Variants in ADRB1 observed in about 807,000 individuals in gnomAD.
ADRB1 encodes the protein beta-1 adrenergic receptor.
For synonymous variants in ADRB1, 365 were observed against 347.2 expected (o/e 1.05, Z -0.57); for missense variants, 635 against 709.1 (o/e 0.90, Z 1.19).
chr10:114,044,676 G>C lies in ADRB1; in HGVS notation c.544G>C (p.Val182Leu). Residue 182 changes from valine (V) to leucine (L), a missense_variant, in exon 1 of 1, where the codon GTG (valine) becomes CTG (leucine). Val to Leu is a conservative substitution (Grantham distance 32). Coordinates refer to ENST00000369295, the MANE Select transcript of ADRB1 (RefSeq NM_000684.3). This position sits in a 1 kb window ranked among gnomAD's most constrained non-coding sequence, Gnocchi z 7.8. ...RARARGLVCTVWAISALVSFL... is the reference protein window; with the variant it reads ...RARARGLVCTLWAISALVSFL... The stretch of plus-strand genomic sequence containing the variant: ...GCGGGCGCGGGGCCTCGTGTGCACC[G>C]TGTGGGCCATCTCGGCCCTGGTGTC... 2 of 1,612,456 alleles carry C rather than the reference G, an allele frequency of 1.2e-6. No homozygotes were observed. Among genetic ancestry groups the C allele is most frequent in the Non-Finnish European group, 1.7e-6 (2 of 1,179,824 alleles).
rs1444058324 is a variant in ADRB1, at chr10:114,045,590, C to G, written c.*24C>G. 5 of 1,271,966 alleles carry G rather than the reference C, an allele frequency of 3.9e-6. No homozygotes were observed. Among genetic ancestry groups the G allele is most frequent in the East Asian group, 3.2e-5 (1 of 31,714 alleles). The allele number at this position is 1,271,966 out of a possible 1,614,324, so 78.8% of individuals were successfully genotyped here. A position where few individuals can be genotyped will look rare whatever the true frequency, so the allele number is the denominator to read the frequency against. ...AGGGCCCGGCGCGGGGCGCGGACTCCGGGCACGGCTTCCCAGGGGAACGAG... is the reference window on the plus strand; with the variant it reads ...AGGGCCCGGCGCGGGGCGCGGACTCGGGGCACGGCTTCCCAGGGGAACGAG... On this transcript the variant is annotated 3_prime_UTR_variant, in exon 1 of 1. Transcript: ENST00000369295.
chr10:114,044,040 C>T lies in ADRB1; in HGVS notation c.-93C>T, dbSNP rs943949932. The T allele has an allele frequency of 1.6e-3, 1,745 of 1,064,294 alleles. 5 individuals carry two copies. The highest frequency in any genetic ancestry group is 1.8e-3 in the Non-Finnish European group (1,553 of 848,040). 65.9% of individuals were successfully genotyped at this position (1,064,294 alleles called of 1,614,324 possible). On this transcript the variant is annotated 5_prime_UTR_variant, in exon 1 of 1. Coordinates refer to ENST00000369295, the MANE Select transcript of ADRB1 (RefSeq NM_000684.3). The surrounding 1 kb of genome is among the most constrained non-coding windows in gnomAD (Gnocchi z 7.8). ...GCTGCCCTGACCCGGCCGCGACCTC[C>T]CTCTGCGCACCACGCCGCCCGGGCT...
Position 114,044,563 on chromosome 10 carries a change from C to T in ADRB1, c.431C>T (p.Ala144Val). The change falls in exon 1 of 1, where the codon GCC becomes GTC. Residue 144 changes from alanine to valine, a missense_variant. By Grantham distance (64) the Ala-to-Val change is moderately conservative. Transcript: ENST00000369295. The surrounding 1 kb of genome is among the most constrained non-coding windows in gnomAD (Gnocchi z 7.8). ...TCAGTGGACGTGCTGTGCGTGACGG[C>T]CAGCATCGAGACCCTGTGTGTCATT... is the stretch of plus-strand genomic sequence containing the variant. ...WTSVDVLCVT[A>V]SIETLCVIAL... 2 of 1,613,702 alleles carry T rather than the reference C, an allele frequency of 1.2e-6. No individual in the cohort carries two copies. Among genetic ancestry groups the T allele is most frequent in the Non-Finnish European group, 8.5e-7 (1 of 1,179,958 alleles).
At position 114,046,264 on chromosome 10, in the gene ADRB1, G is replaced by C. The variant is rs3177559; in HGVS notation, c.*698G>C. ...CGCGCGCCTGGGTGGTCAGGCTGAG[G>C]GATTTCTACCTCACACTGTGCATTT... On this transcript the variant is annotated 3_prime_UTR_variant, in exon 1 of 1. Coordinates refer to ENST00000369295, the MANE Select transcript of ADRB1 (RefSeq NM_000684.3). 1 of 167,064 alleles carries C rather than the reference G, an allele frequency of 6.0e-6. No individual in the cohort carries two copies. The highest frequency in any genetic ancestry group is 2.4e-5 in the African/African-American group (1 of 41,428). 10.3% of individuals were successfully genotyped at this position (167,064 alleles called of 1,614,324 possible). A position where few individuals can be genotyped will look rare whatever the true frequency, so the allele number is the denominator to read the frequency against.
Position 114,045,371 on chromosome 10 carries a change from C to G in ADRB1, c.1239C>G (p.Gly413=), listed in dbSNP as rs545652970. 1.0e-4 allele frequency: 135 copies of G among 1,321,174 alleles called. No homozygotes were observed. The African/African-American group carries it at 1.9e-3, about 19-fold the overall frequency. The allele number at this position is 1,321,174 out of a possible 1,614,324, so 81.8% of individuals were successfully genotyped here. The change falls in exon 1 of 1, where the codon GGC becomes GGG. Residue 413 remains glycine (G), a synonymous_variant. Coordinates refer to ENST00000369295, the MANE Select transcript of ADRB1 (RefSeq NM_000684.3). ...ACGGAGACCGGCCGCGCGCCTCGGG[C>G]TGTCTGGCCCGGCCCGGACCCCCGC... ...ATHGDRPRAS[G]CLARPGPPPS...
At position 114,044,193 on chromosome 10, in the gene ADRB1, C is replaced by A. The variant is rs1487897632; in HGVS notation, c.61C>A (p.Pro21Thr). 2.2e-6 allele frequency: 3 copies of A among 1,378,602 alleles called. No individual in the cohort carries two copies. The South Asian group carries it at 5.1e-5, about 24-fold the overall frequency. 85.4% of individuals were successfully genotyped at this position (1,378,602 alleles called of 1,614,324 possible). Residue 21 changes from proline to threonine, a missense_variant, in exon 1 of 1, where the codon CCG (proline) becomes ACG (threonine). Physicochemically the swap from Pro to Thr is conservative, Grantham distance 38 (BLOSUM62 -1). Coordinates refer to ENST00000369295, the MANE Select transcript of ADRB1 (RefSeq NM_000684.3). This position sits in a 1 kb window ranked among gnomAD's most constrained non-coding sequence, Gnocchi z 7.8. ...SEPGNLSSAAPLPDGAATAAR... is the reference protein window; with the variant it reads ...SEPGNLSSAATLPDGAATAAR... ...GCCCGGTAACCTGTCGTCGGCCGCA[C>A]CGCTCCCCGACGGCGCGGCCACCGC...
At position 114,044,537 on chromosome 10, in the gene ADRB1, C is replaced by T. The variant is rs1028071668; in HGVS notation, c.405C>T (p.Thr135=). 1 of 1,613,740 alleles carries T rather than the reference C, an allele frequency of 6.2e-7. No individual in the cohort carries two copies. Among genetic ancestry groups the T allele is most frequent in the African/African-American group, 1.3e-5 (1 of 74,932 alleles). ...EYGSFFCELW[T]SVDVLCVTAS... is the part of the protein sequence containing the mutation. ...GCTCCTTCTTCTGCGAGCTGTGGACCTCAGTGGACGTGCTGTGCGTGACGG... is the reference window on the plus strand; with the variant it reads ...GCTCCTTCTTCTGCGAGCTGTGGACTTCAGTGGACGTGCTGTGCGTGACGG... The change falls in exon 1 of 1, where the codon ACC becomes ACT. Residue 135 remains threonine, a synonymous_variant. Coordinates refer to ENST00000369295, the MANE Select transcript of ADRB1 (RefSeq NM_000684.3). This position sits in a 1 kb window ranked among gnomAD's most constrained non-coding sequence, Gnocchi z 7.8.
Position 114,043,997 on chromosome 10 carries a change from CT to C in ADRB1, c.-135del. The C allele has an allele frequency of 1.5e-6, 1 of 667,176 alleles. No homozygotes were observed. Among genetic ancestry groups the C allele is most frequent in the East Asian group, 4.8e-5 (1 of 20,934 alleles). The allele number at this position is 667,176 out of a possible 1,614,324, so 41.3% of individuals were successfully genotyped here. A position where few individuals can be genotyped will look rare whatever the true frequency, so the allele number is the denominator to read the frequency against. ...CGGGAAAGGCGCCCGGCGCCCATGCCTCCGGCCCCGCGCCGCGGCTGCCCTG... is the reference window on the plus strand; with the variant it reads ...CGGGAAAGGCGCCCGGCGCCCATGCCCCGGCCCCGCGCCGCGGCTGCCCTG... On this transcript the variant is annotated 5_prime_UTR_variant, in exon 1 of 1. It removes the in-frame stop codon of an upstream open reading frame in the 5' UTR. Coordinates refer to ENST00000369295, the MANE Select transcript of ADRB1 (RefSeq NM_000684.3).
Position 114,044,631 on chromosome 10 carries a change from C to T in ADRB1, c.499C>T (p.Gln167Ter), listed in dbSNP as rs779820078. ...YLAITSPFRY[Q>*]SLLTRARARG... The stretch of plus-strand genomic sequence containing the variant: ...CGCCATCACCTCGCCCTTCCGCTAC[C>T]AGAGCCTGCTGACGCGCGCGCGGGC... The change falls in exon 1 of 1, where the codon CAG becomes TAG. Residue 167 changes from glutamine (Q) to a stop codon, truncating the protein, a stop_gained. Coordinates refer to ENST00000369295, the MANE Select transcript of ADRB1 (RefSeq NM_000684.3). LOFTEE classifies it low-confidence loss of function (END_TRUNC). This position sits in a 1 kb window ranked among gnomAD's most constrained non-coding sequence, Gnocchi z 7.8. The T allele has an allele frequency of 2.5e-6, 4 of 1,613,182 alleles. No individual in the cohort carries two copies. The highest frequency in any genetic ancestry group is 3.4e-6 in the Non-Finnish European group (4 of 1,179,950).
At position 114,044,834 on chromosome 10, in the gene ADRB1, C is replaced by T. The variant is rs1320581941; in HGVS notation, c.702C>T (p.Tyr234=). 3 of 1,613,854 alleles carry T rather than the reference C, an allele frequency of 1.9e-6. No individual in the cohort carries two copies. Among genetic ancestry groups the T allele is most frequent in the South Asian group, 1.1e-5 (1 of 91,088 alleles). The part of the protein sequence containing the change: ...YAIASSVVSF[Y]VPLCIMAFVY... ...TCGCCTCGTCCGTAGTCTCCTTCTA[C>T]GTGCCCCTGTGCATCATGGCCTTCG... is the stretch of plus-strand genomic sequence containing the variant. The change falls in exon 1 of 1, where the codon TAC becomes TAT. Residue 234 remains tyrosine, a synonymous_variant. Coordinates refer to ENST00000369295, the MANE Select transcript of ADRB1 (RefSeq NM_000684.3). This position sits in a 1 kb window ranked among gnomAD's most constrained non-coding sequence, Gnocchi z 7.8.
chr10:114,044,875 T>C lies in ADRB1; in HGVS notation c.743T>C (p.Phe248Ser). 6.2e-7 allele frequency: 1 copy of C among 1,612,886 alleles called. No individual in the cohort carries two copies. Among genetic ancestry groups the C allele is most frequent in the South Asian group, 1.1e-5 (1 of 91,044 alleles). The change falls in exon 1 of 1, where the codon TTC becomes TCC. Residue 248 changes from phenylalanine (F) to serine (S), a missense_variant. By Grantham distance (155) the Phe-to-Ser change is radical. Coordinates refer to ENST00000369295, the MANE Select transcript of ADRB1 (RefSeq NM_000684.3). The surrounding 1 kb of genome is among the most constrained non-coding windows in gnomAD (Gnocchi z 7.8). ...CIMAFVYLRVFREAQKQVKKI... is the reference protein window; with the variant it reads ...CIMAFVYLRVSREAQKQVKKI... The stretch of plus-strand genomic sequence containing the variant: ...ATGGCCTTCGTGTACCTGCGGGTGT[T>C]CCGCGAGGCCCAGAAGCAGGTGAAG...
chr10:114,045,605 A>C lies in ADRB1; in HGVS notation c.*39A>C, dbSNP rs1589585607. 7.9e-7 allele frequency: 1 copy of C among 1,265,596 alleles called. No individual in the cohort carries two copies. Among genetic ancestry groups the C allele is most frequent in the Non-Finnish European group, 1.0e-6 (1 of 997,250 alleles). 78.4% of individuals were successfully genotyped at this position (1,265,596 alleles called of 1,614,324 possible). ...GCGCGGACTCCGGGCACGGCTTCCC[A>C]GGGGAACGAGGAGATCTGTGTTTAC... is the stretch of plus-strand genomic sequence containing the variant. On this transcript the variant is annotated 3_prime_UTR_variant, in exon 1 of 1. Transcript: ENST00000369295.
At position 114,044,842 on chromosome 10, in the gene ADRB1, T is replaced by A. The variant is rs775981220; in HGVS notation, c.710T>A (p.Leu237Gln). The A allele has an allele frequency of 1.2e-6, 2 of 1,613,644 alleles. No individual in the cohort carries two copies. The highest frequency in any genetic ancestry group is 1.7e-6 in the Non-Finnish European group (2 of 1,179,900). ...ASSVVSFYVP[L>Q]CIMAFVYLRV... ...TCCGTAGTCTCCTTCTACGTGCCCCTGTGCATCATGGCCTTCGTGTACCTG... is the reference window on the plus strand; with the variant it reads ...TCCGTAGTCTCCTTCTACGTGCCCCAGTGCATCATGGCCTTCGTGTACCTG... Residue 237 changes from leucine to glutamine, a missense_variant, in exon 1 of 1, where the codon CTG becomes CAG. Physicochemically the swap from Leu to Gln is moderately radical, Grantham distance 113 (BLOSUM62 -2). Coordinates refer to ENST00000369295, the MANE Select transcript of ADRB1 (RefSeq NM_000684.3). The surrounding 1 kb of genome is among the most constrained non-coding windows in gnomAD (Gnocchi z 7.8).
chr10:114,045,367 C>G lies in ADRB1; in HGVS notation c.1235C>G (p.Ser412Trp), dbSNP rs759521338. ...ACCCACGGAGACCGGCCGCGCGCCT[C>G]GGGCTGTCTGGCCCGGCCCGGACCC... ...HATHGDRPRA[S>W]GCLARPGPPP... Residue 412 changes from serine to tryptophan, a missense_variant, in exon 1 of 1, where the codon TCG becomes TGG. By Grantham distance (177) the Ser-to-Trp change is radical. Transcript: ENST00000369295. 7.2e-7 allele frequency: 1 copy of G among 1,382,086 alleles called. No individual in the cohort carries two copies. The highest frequency in any genetic ancestry group is 9.4e-7 in the Non-Finnish European group (1 of 1,061,064). 85.6% of individuals were successfully genotyped at this position (1,382,086 alleles called of 1,614,324 possible).
rs542444851 is a variant in ADRB1 at position 114,045,449 on chromosome 10, G to A, written c.1317G>A (p.Thr439=). Residue 439 remains threonine (T), a synonymous_variant, in exon 1 of 1, where the codon ACG becomes ACA. Transcript: ENST00000369295. The stretch of plus-strand genomic sequence containing the variant: ...ACGACGACGATGTCGTCGGGGCCAC[G>A]CCGCCCGCGCGCCTGCTGGAGCCCT... The part of the protein sequence containing the change: ...DDDDDDVVGA[T]PPARLLEPWA... 1.5e-3 allele frequency: 1,864 copies of A among 1,250,608 alleles called. 6 individuals carry two copies. The highest frequency in any genetic ancestry group is 2.1e-3 in the South Asian group (61 of 28,380). The allele number at this position is 1,250,608 out of a possible 1,614,324, so 77.5% of individuals were successfully genotyped here. A position where few individuals can be genotyped will look rare whatever the true frequency, so the allele number is the denominator to read the frequency against.
rs571303531 is a variant in ADRB1 at position 114,044,846 on chromosome 10, C to T, written c.714C>T (p.Cys238=). Residue 238 remains cysteine, a synonymous_variant, in exon 1 of 1, where the codon TGC becomes TGT. Coordinates refer to ENST00000369295, the MANE Select transcript of ADRB1 (RefSeq NM_000684.3). This position sits in a 1 kb window ranked among gnomAD's most constrained non-coding sequence, Gnocchi z 7.8. ...TAGTCTCCTTCTACGTGCCCCTGTG[C>T]ATCATGGCCTTCGTGTACCTGCGGG... ...SSVVSFYVPL[C]IMAFVYLRVF... The T allele has an allele frequency of 6.2e-7, 1 of 1,613,768 alleles. No individual in the cohort carries two copies. The highest frequency in any genetic ancestry group is 1.7e-5 in the Admixed American group (1 of 60,024).
rs1227667404 is a variant in ADRB1, at chr10:114,044,475, G to A, written c.343G>A (p.Gly115Arg). ...CATGGGGCTGCTGGTGGTGCCGTTC[G>A]GGGCCACCATCGTGGTGTGGGGCCG... Reference protein sequence around the residue: ...LVMGLLVVPFGATIVVWGRWE... With the variant: ...LVMGLLVVPFRATIVVWGRWE... Residue 115 changes from glycine to arginine, a missense_variant, in exon 1 of 1, where the codon GGG becomes AGG. Transcript: ENST00000369295. This position sits in a 1 kb window ranked among gnomAD's most constrained non-coding sequence, Gnocchi z 7.8. 1 of 1,613,440 alleles carries A rather than the reference G, an allele frequency of 6.2e-7. No homozygotes were observed. The highest frequency in any genetic ancestry group is 8.5e-7 in the Non-Finnish European group (1 of 1,179,966).
Position 114,045,320 on chromosome 10 carries a change from G to A in ADRB1, c.1188G>A (p.Arg396=), listed in dbSNP as rs1444167338. The A allele has an allele frequency of 9.1e-6, 14 of 1,532,950 alleles. No individual in the cohort carries two copies. The highest frequency in any genetic ancestry group is 1.2e-5 in the Non-Finnish European group (14 of 1,136,504). The allele number at this position is 1,532,950 out of a possible 1,614,324, so 95.0% of individuals were successfully genotyped here. A position where few individuals can be genotyped will look rare whatever the true frequency, so the allele number is the denominator to read the frequency against. ...AFQGLLCCAR[R]AARRRHATHG... is the part of the protein sequence containing the mutation. ...AGGGACTGCTCTGCTGCGCGCGCAG[G>A]GCTGCCCGCCGGCGCCACGCGACCC... is the stretch of plus-strand genomic sequence containing the variant. Residue 396 remains arginine (R), a synonymous_variant, in exon 1 of 1, where the codon AGG becomes AGA. Coordinates refer to ENST00000369295, the MANE Select transcript of ADRB1 (RefSeq NM_000684.3).
rs1173913038 is a variant in ADRB1, at chr10:114,045,670, C to T, written c.*104C>T. The T allele has an allele frequency of 1.3e-5, 14 of 1,111,104 alleles. No individual in the cohort carries two copies. Among genetic ancestry groups the T allele is most frequent in the Non-Finnish European group, 1.6e-5 (14 of 866,934 alleles). The allele number at this position is 1,111,104 out of a possible 1,614,324, so 68.8% of individuals were successfully genotyped here. On this transcript the variant is annotated 3_prime_UTR_variant, in exon 1 of 1. Coordinates refer to ENST00000369295, the MANE Select transcript of ADRB1 (RefSeq NM_000684.3). ...AGGTGAACTCGAAGCCCACAATCCT[C>T]GTCTGAATCATCCGAGGCAAAGAGA...
Sources: allele counts gnomAD v4.1 joint callset, GRCh38; gene constraint gnomAD v4.1.1; non-coding constraint Gnocchi (gnomAD v3.1); transcripts MANE v1.5; gene names NCBI Gene and HGNC (gene_info 2026-07-23, HGNC 2026-07-21).